Variants in SERGEF observed in about 807,000 individuals in gnomAD.
SERGEF encodes secretion regulating guanine nucleotide exchange factor.
SERGEF carries 51 observed loss-of-function variants against 50.0 expected under a neutral mutation model. The ratio of observed to expected loss-of-function variants is 1.02; its 90% CI spans 0.81 to 1.29. SERGEF has a LOEUF of 1.29. Ranked by LOEUF, SERGEF falls within the 50% of genes most tolerant of loss-of-function variation. The pLI is 0.00. For synonymous variants in SERGEF, 205 were observed against 212.4 expected (o/e 0.97, Z 0.30); for missense variants, 521 against 557.0 (o/e 0.94, Z 0.65).
intron 8 of SERGEF, among the ~76,000 whole-genome samples, chr11:17,977,776 C>A (rs1357296232): frequency 6.6e-6 from 1 of 152,162 alleles, no homozygotes; most frequent in Non-Finnish European, 1.5e-5. Flanking sequence ...TCCTTTACTT[C>A]TTCTGCCATG....
chr11:17,851,677 G>A (rs1565185259), intron 10 of SERGEF, among the ~76,000 whole-genome samples: 1 of 152,238 alleles, frequency 6.6e-6, no homozygotes, highest in Non-Finnish European at 1.5e-5. Flanking sequence ...AAAAGTTGGA[G>A]AGTTAAAGGC....
At chr11:17,828,625 A>G (rs2133851132) in intron 10 of SERGEF, among the ~76,000 whole-genome samples, 1 of 152,364 alleles carries the variant, frequency 6.6e-6, no homozygotes, top group Non-Finnish European at 1.5e-5. Context: ...AGAGTTGTTC[A>G]TAAATCAAGA....
intron 1 of SERGEF, chr11:18,012,400 G>A: frequency 1.3e-6 from 1 of 752,606 alleles, no homozygotes; most frequent in Non-Finnish European, 1.6e-6. Flanking sequence ...CAAACCAACA[G>A]CAGCCCAACT....
At chr11:17,823,976 C>T (rs1309346319) in intron 10 of SERGEF, among the ~76,000 whole-genome samples, 11 of 152,116 alleles carry the variant, frequency 7.2e-5, no homozygotes, top group Admixed American at 7.2e-4. Context: ...GTTGACATTG[C>T]TTGGTACCAC....
chr11:17,844,551 T>G (rs1850566568), intron 10 of SERGEF, among the ~76,000 whole-genome samples: 1 of 152,186 alleles, frequency 6.6e-6, no homozygotes, highest in South Asian at 2.1e-4. Context: ...CAGACTGTGA[T>G]GGACATAAAG....
At chr11:17,797,554 C>T (rs751260137) in intron 10 of SERGEF, among the ~76,000 whole-genome samples, 1 of 152,096 alleles carries the variant, frequency 6.6e-6, no homozygotes, top group Non-Finnish European at 1.5e-5. Flanking sequence ...TATCTCTTCA[C>T]CTGCTCTATT....
chr11:17,909,060 G>C (rs1356588706), intron 9 of SERGEF, among the ~76,000 whole-genome samples: 2 of 152,182 alleles, frequency 1.3e-5, no homozygotes, highest in African/African-American at 2.4e-5. Context: ...AATAAGCCTA[G>C]GCAGATCAAA....
At chr11:17,978,826 A>G (rs1205443527) in intron 8 of SERGEF, among the ~76,000 whole-genome samples, 1 of 152,114 alleles carries the variant, frequency 6.6e-6, no homozygotes, top group East Asian at 1.9e-4. Context: ...ATTCCGAATG[A>G]TGACTCTACC....
intron 9 of SERGEF, among the ~76,000 whole-genome samples, chr11:17,901,635 T>A (rs1424835381): frequency 6.6e-6 from 1 of 152,236 alleles, no homozygotes; most frequent in African/African-American, 2.4e-5. Context: ...CAGCTCCTTC[T>A]GTCAAAACAC....
At chr11:17,927,521 A>G (rs1852274516) in intron 9 of SERGEF, among the ~76,000 whole-genome samples, 1 of 152,230 alleles carries the variant, frequency 6.6e-6, no homozygotes, top group Non-Finnish European at 1.5e-5. Flanking sequence ...AAGGAAAATG[A>G]TGACCTGAGT....
intron 4 of SERGEF, chr11:18,001,951 T>C (rs1251082719): frequency 1.1e-5 from 5 of 456,194 alleles, no homozygotes; most frequent in Admixed American, 2.3e-5. Flanking sequence ...TATACCTTTA[T>C]GCCCAGGGCC....
At chr11:17,878,128 C>T in intron 10 of SERGEF, 80 bp downstream of exon 10, 1 of 1,078,762 alleles carries the variant, frequency 9.3e-7, no homozygotes, top group African/African-American at 1.6e-5. Context: ...CGCACCATGG[C>T]TTTTGGTTAA....
At chr11:17,812,553 G>A (rs1020983232) in intron 10 of SERGEF, among the ~76,000 whole-genome samples, 6 of 152,298 alleles carry the variant, frequency 3.9e-5, no homozygotes, top group South Asian at 2.1e-4. Context: ...CTGTGGCACA[G>A]GGGCCAAGCA....
chr11:17,804,285 T>G (rs184392222), intron 10 of SERGEF, among the ~76,000 whole-genome samples: 73 of 152,308 alleles, frequency 4.8e-4, no homozygotes, highest in Non-Finnish European at 7.8e-4. Context: ...TAAATTGTTT[T>G]CAATCTCCCA....
intron 10 of SERGEF, among the ~76,000 whole-genome samples, chr11:17,844,016 C>T (rs904302096): frequency 2.6e-5 from 4 of 152,028 alleles, no homozygotes; most frequent in African/African-American, 9.7e-5. Context: ...GGAAGTGGGC[C>T]CAGGAATGTA....
chr11:17,966,527 T>C (rs1853129139), intron 8 of SERGEF, among the ~76,000 whole-genome samples: 1 of 152,240 alleles, frequency 6.6e-6, no homozygotes, highest in Admixed American at 6.5e-5. Flanking sequence ...TTAAAATGAC[T>C]GGTATACAAT....
chr11:17,921,351 T>C (rs751529273), intron 9 of SERGEF, among the ~76,000 whole-genome samples: 2 of 152,226 alleles, frequency 1.3e-5, no homozygotes, highest in African/African-American at 2.4e-5. Flanking sequence ...GGCTTCTTTG[T>C]ATAACCTCTA....
intron 9 of SERGEF, among the ~76,000 whole-genome samples, chr11:17,901,040 C>A (rs989279367): frequency 6.6e-6 from 1 of 152,058 alleles, no homozygotes; most frequent in East Asian, 1.9e-4. Context: ...TCCCTTCCCA[C>A]CCCCAAATCT....
At chr11:17,957,762 T>C (rs1852905286) in intron 9 of SERGEF, among the ~76,000 whole-genome samples, 1 of 149,050 alleles carries the variant, frequency 6.7e-6, no homozygotes. Flanking sequence ...AAGGATGATC[T>C]AAATGTCTAA....
Sources: allele counts gnomAD v4.1 joint callset (sites outside exome capture counted in the v4.1 genomes callset), GRCh38; gene constraint gnomAD v4.1.1; transcripts MANE v1.5; gene names NCBI Gene and HGNC (gene_info 2026-07-23, HGNC 2026-07-21).